The following TP53INP1 variants were observed in gnomAD, a reference collection of about 807,000 sequenced individuals.
TP53INP1 encodes tumor protein p53-inducible nuclear protein 1.
TP53INP1 carries 12 observed loss-of-function variants against 21.0 expected under a neutral mutation model. The ratio of observed to expected loss-of-function variants is 0.57; its 90% CI spans 0.37 to 0.93. The LOEUF is 0.93. TP53INP1 is among the 40% of genes least tolerant of loss of function. TP53INP1 has a pLI of 0.01. For missense variants in TP53INP1, 274 were observed against 294.7 expected (o/e 0.93, Z 0.51); for synonymous variants, 91 against 94.8 (o/e 0.96, Z 0.23).
chr8:94,931,652 AAACT>A (rs1461021165), intron 3 of TP53INP1, among the ~76,000 whole-genome samples: 1 of 152,062 alleles, frequency 6.6e-6, no homozygotes, highest in Non-Finnish European at 1.5e-5. Context: ...CCACAATAAG[AAACT>A]AATAGAAAAA....
chr8:94,946,716 A>AAAAAAAAAAAAAAAAAAAAAAAAAAAC (rs1822047139), intron 1 of TP53INP1, among the ~76,000 whole-genome samples: 1 of 149,264 alleles, frequency 6.7e-6, no homozygotes, highest in African/African-American at 2.5e-5. Context: ...AAAAAAAAAA[A>AAAAAAAAAAAAAAAAAAAAAAAAAAAC]AAAAGACAGG....
intron 1 of TP53INP1, among the ~76,000 whole-genome samples, chr8:94,941,494 C>G (rs541729877): frequency 6.6e-6 from 1 of 152,320 alleles, no homozygotes; most frequent in Admixed American, 6.5e-5. Flanking sequence ...ATGCCAGGCC[C>G]TCATCCTCCT....
At chr8:94,936,544 C>T (rs888029503) in intron 3 of TP53INP1, among the ~76,000 whole-genome samples, 3 of 152,106 alleles carry the variant, frequency 2.0e-5, no homozygotes, top group Admixed American at 6.5e-5. Context: ...CTGAACTGCA[C>T]GCTGTTTTCC....
rs1002464887 is a variant in TP53INP1, at chr8:94,929,599, A to C, written c.*880T>G. 3 of 152,178 alleles carry C rather than the reference A, an allele frequency of 2.0e-5. No individual in the cohort carries two copies. Among genetic ancestry groups the C allele is most frequent in the Non-Finnish European group, 4.4e-5 (3 of 68,032 alleles). The allele number at this position is 152,178 out of a possible 1,614,324, so 9.4% of individuals were successfully genotyped here. On this transcript the variant is annotated 3_prime_UTR_variant, in exon 4 of 4. Coordinates refer to ENST00000342697, the MANE Select transcript of TP53INP1 (RefSeq NM_033285.4). ...TCTTTTCCCATGGGCAGAGAGAAAT[A>C]TGAAGTCACTTGAGTGCCTGGACAA...
At chr8:94,948,818 C>G (rs1485782667) in intron 1 of TP53INP1, among the ~76,000 whole-genome samples, 1 of 152,094 alleles carries the variant, frequency 6.6e-6, no homozygotes, top group African/African-American at 2.4e-5. Context: ...GCCAAGAAAA[C>G]AAGCCACGCT....
intron 1 of TP53INP1, among the ~76,000 whole-genome samples, chr8:94,948,431 C>G (rs1161991722): frequency 1.3e-5 from 2 of 152,350 alleles, no homozygotes; most frequent in Admixed American, 6.5e-5. Context: ...TCCAAAGGAT[C>G]TAAATGTTAA....
In TP53INP1 at chr8:94,927,108, T is replaced by C. The variant is rs1218252648; in HGVS notation, c.*3371A>G. The C allele has an allele frequency of 6.6e-6, 1 of 152,614 alleles. No individual in the cohort carries two copies. Among genetic ancestry groups the C allele is most frequent in the Non-Finnish European group, 1.5e-5 (1 of 68,032 alleles). 9.5% of individuals were successfully genotyped at this position (152,614 alleles called of 1,614,324 possible). The stretch of plus-strand genomic sequence containing the variant: ...TCTTGACTCAAAAAATGAAAACTAA[T>C]ATGTGGAAACTCTTAAAGTTTTCCC... On this transcript the variant is annotated 3_prime_UTR_variant, in exon 4 of 4. Transcript: ENST00000342697.
chr8:94,941,360 GA>G (rs1261049626), intron 1 of TP53INP1, among the ~76,000 whole-genome samples: 1 of 151,980 alleles, frequency 6.6e-6, no homozygotes, highest in Non-Finnish European at 1.5e-5. Context: ...ATAATAAGGT[GA>G]ATTTGAATAA....
At chr8:94,932,050 C>T (rs1423885714) in intron 3 of TP53INP1, 18 of 1,606,036 alleles carry the variant, frequency 1.1e-5, no homozygotes, top group Admixed American at 1.7e-5. Context: ...ATCACACAGT[C>T]TCAAAGTGAA....
rs762145093 is a variant in TP53INP1 at position 94,940,818 on chromosome 8, A to T, written c.112+12T>A. ...GTGAAGATGAACCACCAAGTAACCA[A>T]GTGTACCTTACCTATGAAGTCAACA... is the stretch of plus-strand genomic sequence containing the variant. On this transcript the variant is annotated intron_variant, in intron 2 of 3. Transcript: ENST00000342697. 1 of 1,595,666 alleles carries T rather than the reference A, an allele frequency of 6.3e-7. No individual in the cohort carries two copies. The highest frequency in any genetic ancestry group is 8.6e-7 in the Non-Finnish European group (1 of 1,166,062).
Position 94,940,750 on chromosome 8 carries a change from G to T in TP53INP1, c.112+80C>A, listed in dbSNP as rs1821451490. The T allele has an allele frequency of 1.0e-5, 11 of 1,063,820 alleles. No homozygotes were observed. The Admixed American group carries it at 1.3e-4, about 13-fold the overall frequency. 65.9% of individuals were successfully genotyped at this position (1,063,820 alleles called of 1,614,324 possible). A position where few individuals can be genotyped will look rare whatever the true frequency, so the allele number is the denominator to read the frequency against. On this transcript the variant is annotated intron_variant, in intron 2 of 3. Coordinates refer to ENST00000342697, the MANE Select transcript of TP53INP1 (RefSeq NM_033285.4). ...AAGGCTGAAAACCCCTCAGTTATTG[G>T]TTTCCTTATGCAAAAACTGAGATGC...
rs1043195387 is a variant in TP53INP1 at position 94,927,875 on chromosome 8, T to A, written c.*2604A>T. 2.6e-5 allele frequency: 4 copies of A among 151,358 alleles called. No homozygotes were observed. Among genetic ancestry groups the A allele is most frequent in the African/African-American group, 9.7e-5 (4 of 41,104 alleles). 9.4% of individuals were successfully genotyped at this position (151,358 alleles called of 1,614,324 possible). On this transcript the variant is annotated 3_prime_UTR_variant, in exon 4 of 4. Coordinates refer to ENST00000342697, the MANE Select transcript of TP53INP1 (RefSeq NM_033285.4). ...ACTGCTTGCATTTTAAAGAAATATG[T>A]CTAAAGCGCATTGTAAACCACTAAT...
intron 1 of TP53INP1, among the ~76,000 whole-genome samples, chr8:94,947,499 C>T (rs911585047): frequency 6.6e-6 from 1 of 152,070 alleles, no homozygotes; most frequent in Non-Finnish European, 1.5e-5. Flanking sequence ...GGAGAAAAAC[C>T]AAGCCAAGAA....
intron 3 of TP53INP1, among the ~76,000 whole-genome samples, chr8:94,938,881 A>G (rs1349157510): frequency 6.6e-6 from 1 of 152,276 alleles, no homozygotes; most frequent in African/African-American, 2.4e-5. Context: ...GGTCAGAAGC[A>G]TAAGTAAAAC....
chr8:94,935,542 T>G (rs1820898183), intron 3 of TP53INP1, among the ~76,000 whole-genome samples: 1 of 152,206 alleles, frequency 6.6e-6, no homozygotes, highest in African/African-American at 2.4e-5. Context: ...GACAGATTGA[T>G]TAATCAAGAT....
rs946622131 is a variant in TP53INP1 at position 94,933,182 on chromosome 8, A to G, written c.474-2454T>C. Among the ~76,000 whole-genome samples, 4 of 151,862 alleles carry G rather than the reference A, an allele frequency of 2.6e-5. No individual in the cohort carries two copies. The South Asian group carries it at 6.2e-4, about 24-fold the overall frequency. ...AGTGAGCCGAGATTGCGCCGCTGCA[A>G]TCCAGCCTGGGCAACAGTGAGACTC... On this transcript the variant is annotated intron_variant, in intron 3 of 3. Transcript: ENST00000342697.
At chr8:94,943,200 T>C (rs1821708208) in intron 1 of TP53INP1, among the ~76,000 whole-genome samples, 1 of 152,080 alleles carries the variant, frequency 6.6e-6, no homozygotes, top group Non-Finnish European at 1.5e-5. Flanking sequence ...AGCATAGGAA[T>C]GGATGAGGCT....
intron 3 of TP53INP1, among the ~76,000 whole-genome samples, chr8:94,939,078 C>T (rs1821271198): frequency 6.6e-6 from 1 of 152,190 alleles, no homozygotes; most frequent in Non-Finnish European, 1.5e-5. Flanking sequence ...CATCTGGTGT[C>T]AGAAGCACTG....
intron 3 of TP53INP1, among the ~76,000 whole-genome samples, chr8:94,933,766 A>G (rs1223688721): frequency 1.3e-5 from 2 of 150,144 alleles, no homozygotes; most frequent in Non-Finnish European, 3.0e-5. Flanking sequence ...CTCTCTCAAA[A>G]AAAACCCCCA....
Sources: gnomAD v4.1 joint callset for allele counts (sites outside exome capture counted in the v4.1 genomes callset) on GRCh38, gnomAD v4.1.1 for gene constraint, MANE v1.5 for transcripts, NCBI Gene and HGNC (gene_info 2026-07-23, HGNC 2026-07-21) for gene names.